Variants in IDH3A observed in about 807,000 individuals in gnomAD.
IDH3A encodes the protein isocitrate dehydrogenase [NAD] subunit alpha, mitochondrial.
IDH3A carries 23 observed loss-of-function variants against 43.3 expected under a neutral mutation model. The ratio of observed to expected loss-of-function variants is 0.53; its 90% CI spans 0.38 to 0.75. IDH3A has a LOEUF of 0.75. Among genes scored for constraint, IDH3A ranks in the 30% least tolerant of loss-of-function variants. IDH3A has a pLI of 0.00. For synonymous variants in IDH3A, 154 were observed against 163.5 expected (o/e 0.94, Z 0.44); for missense variants, 329 against 474.4 (o/e 0.69, Z 2.85).
At chr15:78,163,250 A>G (rs1426558815) in intron 6 of IDH3A, among the ~76,000 whole-genome samples, 3 of 152,214 alleles carry the variant, frequency 2.0e-5, no homozygotes, top group Non-Finnish European at 2.9e-5. Context: ...TTCTTGTTAG[A>G]TAACACTATA....
intron 2 of IDH3A, chr15:78,157,104 G>A: frequency 8.7e-7 from 1 of 1,145,054 alleles, no homozygotes; most frequent in South Asian, 1.9e-5. Flanking sequence ...AAGCTTTCCA[G>A]GATCACAATG....
intron 3 of IDH3A, among the ~76,000 whole-genome samples, chr15:78,158,754 A>G (rs2074651659): frequency 6.7e-6 from 1 of 149,594 alleles, no homozygotes; most frequent in Admixed American, 6.7e-5. Context: ...CCTGGCCTAT[A>G]TATATATTTT....
rs761023185 is a variant in IDH3A, at chr15:78,169,049, C to T, written c.*44C>T. ...TTACATCAGTCACTCTAAATGGACA[C>T]CACATGAACCTCTGTTTAGAATACC... On this transcript the variant is annotated 3_prime_UTR_variant, in exon 11 of 11. Coordinates refer to ENST00000299518, the MANE Select transcript of IDH3A (RefSeq NM_005530.3). 2 of 1,183,386 alleles carry T rather than the reference C, an allele frequency of 1.7e-6. No homozygotes were observed. Among genetic ancestry groups the T allele is most frequent in the African/African-American group, 1.5e-5 (1 of 66,400 alleles). 73.3% of individuals were successfully genotyped at this position (1,183,386 alleles called of 1,614,324 possible). A position where few individuals can be genotyped will look rare whatever the true frequency, so the allele number is the denominator to read the frequency against.
intron 1 of IDH3A, 88 bp from the exon 2 acceptor site, chr15:78,155,125 C>A: frequency 1.1e-6 from 1 of 877,412 alleles, no homozygotes; most frequent in Non-Finnish European, 1.9e-6. Context: ...CAAGTTGCAG[C>A]ATTACCATCC....
chr15:78,164,759 TTC>T (rs561118293), intron 8 of IDH3A, among the ~76,000 whole-genome samples: 22 of 152,360 alleles, frequency 1.4e-4, no homozygotes, highest in African/African-American at 5.3e-4. Context: ...TCACCATGTC[TTC>T]TGTGTCCTTT....
intron 4 of IDH3A, among the ~76,000 whole-genome samples, chr15:78,160,421 A>G (rs989432007): frequency 2.0e-5 from 3 of 152,232 alleles, no homozygotes; most frequent in Non-Finnish European, 4.4e-5. Context: ...GATGATGCCA[A>G]ATAACAGTAT....
At chr15:78,163,834 C>A in intron 8 of IDH3A, 54 bp downstream of exon 8, 1 of 1,109,336 alleles carries the variant, frequency 9.0e-7, no homozygotes, top group South Asian at 1.3e-5. Flanking sequence ...TATAAACATC[C>A]TAAAATAATT....
Position 78,163,698 on chromosome 15 carries a change from C to G in IDH3A, c.715-18C>G. 1 of 1,607,576 alleles carries G rather than the reference C, an allele frequency of 6.2e-7. No homozygotes were observed. The highest frequency in any genetic ancestry group is 8.5e-7 in the Non-Finnish European group (1 of 1,174,278). On this transcript the variant is annotated intron_variant, in intron 7 of 10. Transcript: ENST00000299518. ...ATGCAGATTTTGATTACTAAATGCA[C>G]AAATGTATTCCTTGTAGATGGTACA...
rs2074793569 is a variant in IDH3A, at chr15:78,169,611, T to C, written c.*606T>C. 2 of 152,218 alleles carry C rather than the reference T, an allele frequency of 1.3e-5. No homozygotes were observed. The highest frequency in any genetic ancestry group is 4.8e-5 in the African/African-American group (2 of 41,452). 9.4% of individuals were successfully genotyped at this position (152,218 alleles called of 1,614,324 possible). Reference sequence around the variant, plus strand: ...ATAAAAACTTCAGATCCAAGAAATATATAATGAGAGATATAATTTTTGTTA... The same window carrying C: ...ATAAAAACTTCAGATCCAAGAAATACATAATGAGAGATATAATTTTTGTTA... On this transcript the variant is annotated 3_prime_UTR_variant, in exon 11 of 11. Transcript: ENST00000299518.
intron 10 of IDH3A, chr15:78,168,116 A>T (rs928765053): frequency 6.6e-6 from 1 of 152,128 alleles, no homozygotes; most frequent in Admixed American, 6.6e-5. Flanking sequence ...TTTCTTTCCT[A>T]AAGAGGGAGG....
intron 3 of IDH3A, among the ~76,000 whole-genome samples, chr15:78,159,589 C>CT (rs1204307868): frequency 6.6e-6 from 1 of 152,142 alleles, no homozygotes; most frequent in Admixed American, 6.6e-5. Flanking sequence ...GGAGTGATGA[C>CT]TGGGCACAGA....
intron 3 of IDH3A, among the ~76,000 whole-genome samples, chr15:78,159,333 A>T (rs895096496): frequency 6.6e-6 from 1 of 151,114 alleles, no homozygotes; most frequent in African/African-American, 2.4e-5. Context: ...TAGGCAGCCA[A>T]CCACTCATCT....
rs528749690 is a variant in IDH3A at position 78,165,585 on chromosome 15, T to A, written c.864+509T>A. ...CCAGGTATTTATTATGTATCCTTCCTTCCTTAAAATATTTTACCAAAAATT... is the reference window on the plus strand; with the variant it reads ...CCAGGTATTTATTATGTATCCTTCCATCCTTAAAATATTTTACCAAAAATT... On this transcript the variant is annotated intron_variant, in intron 9 of 10. Transcript: ENST00000299518. Among the ~76,000 whole-genome samples, 7 of 152,310 alleles carry A rather than the reference T, an allele frequency of 4.6e-5. No individual in the cohort carries two copies. In the South Asian group the frequency reaches 1.5e-3, roughly 32 times the overall value.
At chr15:78,160,857 C>T (rs1408906731) in intron 4 of IDH3A, among the ~76,000 whole-genome samples, 1 of 150,466 alleles carries the variant, frequency 6.6e-6, no homozygotes, top group African/African-American at 2.4e-5. Context: ...AAAATACTAG[C>T]ATGTGGTAGA....
intron 6 of IDH3A, among the ~76,000 whole-genome samples, chr15:78,162,847 G>A (rs1413543104): frequency 6.6e-6 from 1 of 152,128 alleles, no homozygotes; most frequent in Non-Finnish European, 1.5e-5. Flanking sequence ...CGCCCGGCCT[G>A]GAGTCTCCTG....
chr15:78,158,480 T>A (rs2074648262), intron 3 of IDH3A, among the ~76,000 whole-genome samples: 4 of 116,748 alleles, frequency 3.4e-5, no homozygotes, highest in Non-Finnish European at 7.4e-5. Context: ...TTTTTTTTTT[T>A]TTTTTTTTTT....
intron 3 of IDH3A, 88 bp from the exon 4 acceptor site, chr15:78,160,004 G>A: frequency 2.5e-6 from 2 of 811,888 alleles, no homozygotes; most frequent in Non-Finnish European, 4.3e-6. Context: ...CAAAAACGAA[G>A]TTGAAAAAGT....
Position 78,162,290 on chromosome 15 carries a change from C to T in IDH3A, c.534C>T (p.Arg178=), listed in dbSNP as rs1337620446. 1 of 1,614,200 alleles carries T rather than the reference C, an allele frequency of 6.2e-7. No individual in the cohort carries two copies. The highest frequency in any genetic ancestry group is 1.1e-5 in the South Asian group (1 of 91,090). The change falls in exon 6 of 11, where the codon CGC becomes CGT. Residue 178 remains arginine, a synonymous_variant. Transcript: ENST00000299518. The stretch of plus-strand genomic sequence containing the variant: ...TCATCACCGAGGGGGCGAGCAAGCG[C>T]ATTGCTGAGTTTGCCTTTGAGTATG... ...IKLITEGASK[R]IAEFAFEYAR...
chr15:78,154,981 T>G (rs2074612215), intron 1 of IDH3A, among the ~76,000 whole-genome samples: 1 of 152,230 alleles, frequency 6.6e-6, no homozygotes, highest in Non-Finnish European at 1.5e-5. Context: ...TTCGTTAAAT[T>G]GACTTTGAAA....
Sources: gnomAD v4.1 joint callset for allele counts (sites outside exome capture counted in the v4.1 genomes callset) on GRCh38, gnomAD v4.1.1 for gene constraint, MANE v1.5 for transcripts, NCBI Gene and HGNC (gene_info 2026-07-23, HGNC 2026-07-21) for gene names.